NELL2: variants seen among roughly 807,000 people sequenced by gnomAD.
NELL2 encodes the protein neural EGFL like 2.
NELL2 carries 41 observed loss-of-function variants against 109.6 expected under a neutral mutation model. The observed-to-expected ratio is 0.37, with a 90% CI of 0.29 to 0.49. The LOEUF is 0.49. Among genes scored for constraint, NELL2 ranks in the 20% least tolerant of loss-of-function variants. The pLI is 0.98. For synonymous variants in NELL2, 355 were observed against 344.7 expected, an observed-to-expected ratio of 1.03 and a Z score of -0.33; for missense variants, 900 against 1,008.3, an observed-to-expected ratio of 0.89 and a Z score of 1.45.
intron 15 of NELL2, among the ~76,000 whole-genome samples, chr12:44,537,090 T>C (rs1371603066): frequency 6.6e-6 from 1 of 151,902 alleles, no homozygotes; most frequent in African/African-American, 2.4e-5. Context: ...TCTTGTTTTC[T>C]TTGTCTCTTT....
chr12:44,541,646 TTAATAA>T (rs888346401), intron 15 of NELL2, among the ~76,000 whole-genome samples: 37 of 152,140 alleles, frequency 2.4e-4, no homozygotes, highest in Non-Finnish European at 8.8e-5. Flanking sequence ...AAAAATATCT[TTAATAA>T]TAATAATAAG....
At chr12:44,876,377 G>A (rs1191073749), upstream of NELL2, 2 of 1,235,620 alleles carry the variant, frequency 1.6e-6, no homozygotes, top group East Asian at 3.3e-5. Flanking sequence ...GGCGGGCCGG[G>A]GGAGGCGGGG....
intron 13 of NELL2, among the ~76,000 whole-genome samples, chr12:44,661,337 A>T (rs1947736337): frequency 6.6e-6 from 1 of 152,170 alleles, no homozygotes; most frequent in Admixed American, 6.5e-5. Context: ...CTCTTCTTGC[A>T]AGTGTACTTT....
At chr12:44,691,707 G>A (rs1444593971) in intron 12 of NELL2, among the ~76,000 whole-genome samples, 1 of 152,178 alleles carries the variant, frequency 6.6e-6, no homozygotes, top group African/African-American at 2.4e-5. Flanking sequence ...TATAGAAAGT[G>A]AAATGGTCTT....
At chr12:44,654,694 T>C (rs1364262060) in intron 13 of NELL2, among the ~76,000 whole-genome samples, 1 of 152,064 alleles carries the variant, frequency 6.6e-6, no homozygotes, top group Non-Finnish European at 1.5e-5. Context: ...GCTTCTGATT[T>C]GGGGGAAGAA....
intron 15 of NELL2, among the ~76,000 whole-genome samples, chr12:44,568,159 T>C (rs1943729609): frequency 6.6e-6 from 1 of 152,016 alleles, no homozygotes; most frequent in Admixed American, 6.6e-5. Context: ...GATTTAAGAT[T>C]GTAAAAGAAA....
At chr12:44,718,236 G>A (rs988155739) in intron 9 of NELL2, among the ~76,000 whole-genome samples, 1 of 152,078 alleles carries the variant, frequency 6.6e-6, no homozygotes, top group Non-Finnish European at 1.5e-5. Flanking sequence ...TTTAACCAAG[G>A]CGAACCCATG....
chr12:44,661,782 G>A (rs1406444953), intron 13 of NELL2, among the ~76,000 whole-genome samples: 1 of 152,110 alleles, frequency 6.6e-6, no homozygotes, highest in East Asian at 1.9e-4. Flanking sequence ...CCTGAAGAAT[G>A]GGCCTCAAGC....
At chr12:44,862,314 A>G (rs1944866649) in intron 2 of NELL2, among the ~76,000 whole-genome samples, 1 of 152,192 alleles carries the variant, frequency 6.6e-6, no homozygotes. Flanking sequence ...ACATCATTCT[A>G]TTTATAGCAT....
chr12:44,593,664 G>T (rs1944845148), intron 15 of NELL2, among the ~76,000 whole-genome samples: 1 of 152,130 alleles, frequency 6.6e-6, no homozygotes, highest in Non-Finnish European at 1.5e-5. Context: ...GATCCTTGAG[G>T]AATGGCCACA....
chr12:44,878,920 C>T (rs1167553176), upstream of NELL2, among the ~76,000 whole-genome samples: 1 of 152,274 alleles, frequency 6.6e-6, no homozygotes, highest in East Asian at 1.9e-4. Flanking sequence ...TGTATGTTAC[C>T]TCACATGGCA....
intron 2 of NELL2, among the ~76,000 whole-genome samples, chr12:44,833,838 G>A (rs1203591286): frequency 1.3e-5 from 2 of 152,106 alleles, no homozygotes; most frequent in Non-Finnish European, 1.5e-5. Context: ...TTACCAGGTC[G>A]GTCCAACTAT....
At chr12:44,708,075 C>G (rs1937984781) in intron 11 of NELL2, among the ~76,000 whole-genome samples, 1 of 152,066 alleles carries the variant, frequency 6.6e-6, no homozygotes, top group South Asian at 2.1e-4. Flanking sequence ...AGGAGAAGAA[C>G]CAGAAGGACT....
At chr12:44,917,238 TGA>T (rs937122329), upstream of NELL2, among the ~76,000 whole-genome samples, 24 of 152,318 alleles carry the variant, frequency 1.6e-4, no homozygotes, top group African/African-American at 5.8e-4. Flanking sequence ...TTTCCATCCA[TGA>T]GTCTCACTTT....
chr12:44,895,084 G>A (rs1452006108), intron 1 of NELL2, among the ~76,000 whole-genome samples: 1 of 152,146 alleles, frequency 6.6e-6, no homozygotes, highest in Non-Finnish European at 1.5e-5. Context: ...ATTAGTTGGA[G>A]TTGGCCAGGA....
chr12:44,649,907 T>C (rs1205475342), intron 13 of NELL2, among the ~76,000 whole-genome samples: 2 of 152,114 alleles, frequency 1.3e-5, no homozygotes, highest in African/African-American at 4.8e-5. Flanking sequence ...ACTGGACTCA[T>C]CAAATTCTGC....
At chr12:44,859,540 C>T (rs534256397) in intron 2 of NELL2, among the ~76,000 whole-genome samples, 2 of 151,908 alleles carry the variant, frequency 1.3e-5, no homozygotes, top group African/African-American at 4.8e-5. Context: ...GACTCCATCT[C>T]AAGAAAAAAA....
chr12:44,881,978 T>C (rs990995837), intron 1 of NELL2: 1 of 152,022 alleles, frequency 6.6e-6, no homozygotes, highest in African/African-American at 2.4e-5. Context: ...TGGAATTTTT[T>C]TTTCTAAGTG....
intron 12 of NELL2, among the ~76,000 whole-genome samples, chr12:44,700,647 G>C (rs1053097556): frequency 1.3e-5 from 2 of 151,910 alleles, no homozygotes; most frequent in Non-Finnish European, 2.9e-5. Flanking sequence ...AACTCTTCTT[G>C]TTCAAGCAAA....
Sources: allele counts gnomAD v4.1 joint callset (sites outside exome capture counted in the v4.1 genomes callset), GRCh38; gene constraint gnomAD v4.1.1; transcripts MANE v1.5; gene names NCBI Gene and HGNC (gene_info 2026-07-23, HGNC 2026-07-21).